HMCN1: variants seen among roughly 807,000 people sequenced by gnomAD.
The protein encoded by HMCN1 is hemicentin-1.
A neutral mutation model predicts 625.9 loss-of-function variants in HMCN1; 321 were observed. The ratio of observed to expected loss-of-function variants is 0.51; its 90% CI spans 0.47 to 0.56. HMCN1 has a LOEUF of 0.56. Ranked by LOEUF, HMCN1 falls within the 20% of genes least tolerant of loss-of-function variation. The pLI, the probability that HMCN1 is intolerant of heterozygous loss-of-function variation, is 0.00. For missense variants in HMCN1, 6,588 were observed against 6,887.3 expected (o/e 0.96, Z 1.54); for synonymous variants, 2,425 against 2,417.6 (o/e 1.00, Z -0.09).
intron 4 of HMCN1, among the ~76,000 whole-genome samples, chr1:185,869,606 C>T (rs114189184): frequency 1.3e-5 from 2 of 152,110 alleles, no homozygotes; most frequent in African/African-American, 4.8e-5. Context: ...TGTGAAGCTC[C>T]TACTGGAACT....
At chr1:185,887,877 C>T (rs1030645054) in intron 4 of HMCN1, among the ~76,000 whole-genome samples, 4 of 142,012 alleles carry the variant, frequency 2.8e-5, no homozygotes, top group Non-Finnish European at 4.7e-5. Context: ...CCTGACGAAT[C>T]GCCACACTGA....
At chr1:185,910,572 CTT>C (rs530690323) in intron 5 of HMCN1, among the ~76,000 whole-genome samples, 273 of 140,162 alleles carry the variant, frequency 1.9e-3, no homozygotes, top group African/African-American at 5.4e-3. Flanking sequence ...TTTCTTCCTT[CTT>C]TTTTTTTTTT....
At chr1:185,864,332 C>A in intron 2 of HMCN1, 138 bp from the exon 3 acceptor site, 1 of 787,448 alleles carries the variant, frequency 1.3e-6, no homozygotes, top group Non-Finnish European at 2.1e-6. Flanking sequence ...TCCATCCCTT[C>A]TTGAACAAAG....
At chr1:185,977,702 A>T (rs1051775314) in intron 15 of HMCN1, 85 bp from the exon 16 acceptor site, 1 of 880,198 alleles carries the variant, frequency 1.1e-6, no homozygotes. Flanking sequence ...AAATTCAATG[A>T]TTTGACAGTT....
intron 4 of HMCN1, among the ~76,000 whole-genome samples, chr1:185,898,129 C>T (rs565726878): frequency 8.0e-4 from 122 of 152,268 alleles, no homozygotes; most frequent in African/African-American, 2.8e-3. Context: ...TGGACCTCCC[C>T]CTGTAGAGGG....
intron 86 of HMCN1, among the ~76,000 whole-genome samples, chr1:186,135,183 C>G (rs1037572433): frequency 6.6e-6 from 1 of 152,198 alleles, no homozygotes; most frequent in African/African-American, 2.4e-5. Flanking sequence ...ATTCTGCCAG[C>G]AGTTGCATGC....
At chr1:186,123,637 T>A (rs1480042375) in intron 81 of HMCN1, among the ~76,000 whole-genome samples, 2 of 152,314 alleles carry the variant, frequency 1.3e-5, no homozygotes, top group Middle Eastern at 3.4e-3. Context: ...TCTATTTGAT[T>A]CATTATATTA....
Position 186,153,978 on chromosome 1 carries a change from A to C in HMCN1, c.15247A>C (p.Ile5083Leu), listed in dbSNP as rs1194140675. ...ACTGGGTTTTAAAATTCATGCTTCAATATCCAAAGGTAATTTGATAAAAGA... is the reference window on the plus strand; with the variant it reads ...ACTGGGTTTTAAAATTCATGCTTCACTATCCAAAGGTAATTTGATAAAAGA... ...ETLGFKIHAS[I>L]SKGDRSNQCP... Residue 5083 changes from isoleucine (I) to leucine (L), a missense_variant, in exon 97 of 107, where the codon ATA becomes CTA. Physicochemically the swap from Ile to Leu is conservative, Grantham distance 5 (BLOSUM62 2). Coordinates refer to ENST00000271588, the MANE Select transcript of HMCN1 (RefSeq NM_031935.3). The C allele has an allele frequency of 6.2e-7, 1 of 1,610,432 alleles. No individual in the cohort carries two copies. The highest frequency in any genetic ancestry group is 8.5e-7 in the Non-Finnish European group (1 of 1,176,650).
chr1:186,100,553 T>C (rs182508905), intron 68 of HMCN1, among the ~76,000 whole-genome samples: 1 of 152,286 alleles, frequency 6.6e-6, no homozygotes, highest in East Asian at 1.9e-4. Flanking sequence ...CTTTTTATCC[T>C]GTAACAATGA....
intron 103 of HMCN1, among the ~76,000 whole-genome samples, chr1:186,177,744 A>G (rs1342540008): frequency 6.6e-6 from 1 of 152,144 alleles, no homozygotes; most frequent in Non-Finnish European, 1.5e-5. Context: ...CATCTGAAAT[A>G]TTTGTCAAAA....
intron 1 of HMCN1, among the ~76,000 whole-genome samples, chr1:185,800,494 T>G (rs1043596225): frequency 6.6e-6 from 1 of 152,138 alleles, no homozygotes; most frequent in Non-Finnish European, 1.5e-5. Flanking sequence ...AATTTCCCCC[T>G]CTGTAAATAT....
rs1659586240 is a variant in HMCN1 at position 186,087,633 on chromosome 1, T to G, written c.9351T>G (p.Ile3117Met). The G allele has an allele frequency of 3.1e-6, 5 of 1,613,006 alleles. No homozygotes were observed. The highest frequency in any genetic ancestry group is 4.2e-6 in the Non-Finnish European group (5 of 1,179,244). ...TAGCTGATGGACAAATGCTACACAT[T>G]AAGAAAGCTGAGGTGCATCTTTTAT... Reference protein sequence around the residue: ...EILADGQMLHIKKAEVSDTGQ... With the variant: ...EILADGQMLHMKKAEVSDTGQ... Residue 3117 changes from isoleucine to methionine, a missense_variant, in exon 60 of 107, where the codon ATT becomes ATG. Around this residue, in one of 3 missense-constraint regions of HMCN1, gnomAD observed 4,628 missense variants for 4,853.1 expected, o/e 0.95. Coordinates refer to ENST00000271588, the MANE Select transcript of HMCN1 (RefSeq NM_031935.3).
intron 89 of HMCN1, among the ~76,000 whole-genome samples, chr1:186,142,193 C>CAGG (rs1650012893): frequency 2.0e-5 from 3 of 152,070 alleles, no homozygotes; most frequent in Non-Finnish European, 4.4e-5. Context: ...GTTTGTTGTT[C>CAGG]CCCTCTTTCT....
intron 24 of HMCN1, among the ~76,000 whole-genome samples, chr1:185,996,652 G>C (rs1652807326): frequency 6.6e-6 from 1 of 152,016 alleles, no homozygotes; most frequent in South Asian, 2.1e-4. Flanking sequence ...AAAAGATGAT[G>C]GTAGTTAGAA....
intron 1 of HMCN1, among the ~76,000 whole-genome samples, chr1:185,767,251 C>T (rs1348797162): frequency 1.3e-5 from 2 of 152,008 alleles, no homozygotes; most frequent in South Asian, 2.1e-4. Flanking sequence ...TTTCAGTGTC[C>T]GCATCCAACT....
intron 4 of HMCN1, among the ~76,000 whole-genome samples, chr1:185,886,970 C>T (rs1054760627): frequency 6.6e-6 from 1 of 152,166 alleles, no homozygotes; most frequent in Non-Finnish European, 1.5e-5. Flanking sequence ...ATTCCCCACT[C>T]TAATTAGGCT....
At chr1:186,070,849 G>T (rs912412741) in intron 52 of HMCN1, 92 bp downstream of exon 52, 19 of 1,270,798 alleles carry the variant, frequency 1.5e-5, no homozygotes, top group Non-Finnish European at 1.8e-5. Flanking sequence ...AAGTGACTCA[G>T]AGAATCAATG....
At chr1:186,108,035 TAAAAAAAAAA>T (rs559777006) in intron 70 of HMCN1, among the ~76,000 whole-genome samples, 1 of 98,310 alleles carries the variant, frequency 1.0e-5, no homozygotes, top group African/African-American at 4.0e-5. Flanking sequence ...GTAAATTCTG[TAAAAAAAAAA>T]AAAAAAAAAA....
intron 97 of HMCN1, among the ~76,000 whole-genome samples, chr1:186,154,824 T>C (rs1482199142): frequency 7.9e-5 from 12 of 152,186 alleles, no homozygotes; most frequent in Admixed American, 7.9e-4. Flanking sequence ...TTGATCTAAG[T>C]AGTCCATCTA....
Sources: allele counts gnomAD v4.1 joint callset (sites outside exome capture counted in the v4.1 genomes callset), GRCh38; gene constraint gnomAD v4.1.1; regional missense constraint gnomAD v4.1.1; transcripts MANE v1.5; gene names NCBI Gene and HGNC (gene_info 2026-07-23, HGNC 2026-07-21).